Variants in SRPK2 observed in about 807,000 individuals in gnomAD.
SRPK2 encodes SFRS protein kinase 2.
Under a neutral mutation model 90.8 loss-of-function variants are expected in SRPK2, and 21 were observed. The observed-to-expected ratio is 0.23, with a 90% CI of 0.16 to 0.33. SRPK2 has a LOEUF of 0.33. Ranked by LOEUF, SRPK2 falls within the 10% of genes least tolerant of loss-of-function variation. The probability of loss-of-function intolerance (pLI) is 1.00; values close to 1 mark genes in which losing one functional copy is unlikely to be tolerated. For missense variants in SRPK2, 620 were observed against 869.0 expected (o/e 0.71, Z 3.60); for synonymous variants, 288 against 311.1 (o/e 0.93, Z 0.78).
intron 2 of SRPK2, among the ~76,000 whole-genome samples, chr7:105,367,106 C>A (rs907386209): frequency 6.6e-6 from 1 of 150,460 alleles, no homozygotes; most frequent in Non-Finnish European, 1.5e-5. Flanking sequence ...AGGATAGTCT[C>A]GAACTCCTGA....
chr7:105,365,880 G>C (rs939363578), intron 2 of SRPK2, among the ~76,000 whole-genome samples: 1 of 150,436 alleles, frequency 6.6e-6, no homozygotes, highest in Non-Finnish European at 1.5e-5. Flanking sequence ...TTTTTTAGAC[G>C]GAGTCTCGCT....
At chr7:105,204,712 C>T in intron 2 of SRPK2, 1 of 785,406 alleles carries the variant, frequency 1.3e-6, no homozygotes, top group South Asian at 1.4e-5. Flanking sequence ...TCTAGAAGAA[C>T]AAGCTTGACA....
intron 13 of SRPK2, among the ~76,000 whole-genome samples, chr7:105,128,977 T>C (rs1801594848): frequency 6.6e-6 from 1 of 152,246 alleles, no homozygotes; most frequent in Non-Finnish European, 1.5e-5. Flanking sequence ...ATCAATGAAA[T>C]AATTTTTTTT....
intron 2 of SRPK2, among the ~76,000 whole-genome samples, chr7:105,366,557 G>A (rs1012800448): frequency 6.6e-6 from 1 of 151,630 alleles, no homozygotes; most frequent in African/African-American, 2.4e-5. Flanking sequence ...TTTAGTAGAG[G>A]CAGAGTTTCA....
intron 2 of SRPK2, among the ~76,000 whole-genome samples, chr7:105,300,272 A>C (rs1267725320): frequency 6.6e-6 from 1 of 150,866 alleles, no homozygotes; most frequent in Non-Finnish European, 1.5e-5. Context: ...AAAAAAAAAA[A>C]AAAAAAGTAT....
intron 2 of SRPK2, among the ~76,000 whole-genome samples, chr7:105,261,559 A>G (rs960330948): frequency 6.6e-6 from 1 of 152,064 alleles, no homozygotes; most frequent in Non-Finnish European, 1.5e-5. Context: ...AGAAAAATCT[A>G]AGACCTGTAA....
At chr7:105,181,333 A>C (rs192461120) in intron 3 of SRPK2, among the ~76,000 whole-genome samples, 1 of 152,328 alleles carries the variant, frequency 6.6e-6, no homozygotes, top group African/African-American at 2.4e-5. Flanking sequence ...ATTTAAACAG[A>C]GTTATCATTC....
chr7:105,269,006 G>T (rs1367971166), intron 2 of SRPK2: 1 of 1,370,298 alleles, frequency 7.3e-7, no homozygotes, highest in Non-Finnish European at 9.6e-7. Context: ...TTAGGACTGG[G>T]ATTCAATGGT....
chr7:105,323,413 T>A (rs1453100730), intron 2 of SRPK2, among the ~76,000 whole-genome samples: 1 of 152,206 alleles, frequency 6.6e-6, no homozygotes, highest in Non-Finnish European at 1.5e-5. Context: ...AGGCAACATA[T>A]GACTTCCTCC....
At chr7:105,126,179 G>T in intron 15 of SRPK2, 69 bp downstream of exon 15, 1 of 1,261,840 alleles carries the variant, frequency 7.9e-7, no homozygotes, top group Non-Finnish European at 1.2e-6. Flanking sequence ...CACCATTAAT[G>T]CTAAAATCAG....
At chr7:105,362,627 A>G (rs1818565355) in intron 2 of SRPK2, among the ~76,000 whole-genome samples, 1 of 152,142 alleles carries the variant, frequency 6.6e-6, no homozygotes, top group Non-Finnish European at 1.5e-5. Flanking sequence ...ACCATGTGGA[A>G]GACAGTGTGG....
intron 2 of SRPK2, chr7:105,269,063 T>C (rs1805482225): frequency 8.1e-7 from 1 of 1,238,832 alleles, no homozygotes. Flanking sequence ...TGCTAAACTA[T>C]GCACATGACT....
chr7:105,361,420 A>G (rs1024519934), intron 2 of SRPK2, among the ~76,000 whole-genome samples: 1 of 152,240 alleles, frequency 6.6e-6, no homozygotes, highest in African/African-American at 2.4e-5. Context: ...TATAGATTCA[A>G]TGCCATCCCC....
intron 2 of SRPK2, among the ~76,000 whole-genome samples, chr7:105,248,742 C>T (rs981170793): frequency 5.3e-5 from 8 of 152,222 alleles, no homozygotes; most frequent in Non-Finnish European, 8.8e-5. Flanking sequence ...GAGATTGAGA[C>T]CATCCTAGCT....
At chr7:105,245,615 C>T (rs1452263757) in intron 2 of SRPK2, among the ~76,000 whole-genome samples, 1 of 152,006 alleles carries the variant, frequency 6.6e-6, no homozygotes, top group Non-Finnish European at 1.5e-5. Context: ...GAGAGGACTC[C>T]TGCAAAGAAA....
chr7:105,323,510 G>A (rs886839379), intron 2 of SRPK2, among the ~76,000 whole-genome samples: 1 of 152,110 alleles, frequency 6.6e-6, no homozygotes, highest in Non-Finnish European at 1.5e-5. Flanking sequence ...AGACACTGTA[G>A]GCAGTCTATT....
intron 2 of SRPK2, among the ~76,000 whole-genome samples, chr7:105,350,529 CTTT>C (rs71152961): frequency 2.4e-5 from 3 of 127,332 alleles, no homozygotes; most frequent in Non-Finnish European, 1.6e-5. Context: ...AATTTTTTTT[CTTT>C]TTTTTTTTTT....
At chr7:105,170,999 AAG>A (rs1403707303) in intron 3 of SRPK2, among the ~76,000 whole-genome samples, 1 of 130,254 alleles carries the variant, frequency 7.7e-6, no homozygotes, top group African/African-American at 2.7e-5. Context: ...AAGAAAGAGA[AAG>A]AAAGAAAGAA....
At chr7:105,325,719 T>C (rs528069941) in intron 2 of SRPK2, among the ~76,000 whole-genome samples, 2 of 152,250 alleles carry the variant, frequency 1.3e-5, no homozygotes, top group South Asian at 2.1e-4. Flanking sequence ...ACAGTAGCAG[T>C]AGTGCCTACC....
Sources: allele counts gnomAD v4.1 joint callset (sites outside exome capture counted in the v4.1 genomes callset), GRCh38; gene constraint gnomAD v4.1.1; transcripts MANE v1.5; gene names NCBI Gene and HGNC (gene_info 2026-07-23, HGNC 2026-07-21).